FCHO2: variants seen among roughly 807,000 people sequenced by gnomAD.
FCHO2 encodes the protein F-BAR domain only protein 2.
A neutral mutation model predicts 114.1 loss-of-function variants in FCHO2; 43 were observed. That is an observed-to-expected ratio of 0.38 (90% CI 0.30 to 0.49). FCHO2 has a LOEUF of 0.49. Among genes scored for constraint, FCHO2 ranks in the 20% least tolerant of loss-of-function variants. The probability of loss-of-function intolerance (pLI) is 0.97; values close to 1 mark genes in which losing one functional copy is unlikely to be tolerated. For synonymous variants in FCHO2, 293 were observed against 315.2 expected (o/e 0.93, Z 0.75); for missense variants, 807 against 950.4 (o/e 0.85, Z 1.98).
At chr5:72,979,011 C>G (rs1753034539) in intron 2 of FCHO2, among the ~76,000 whole-genome samples, 1 of 152,066 alleles carries the variant, frequency 6.6e-6, no homozygotes, top group Non-Finnish European at 1.5e-5. Flanking sequence ...TTCGGTTTGC[C>G]TGTATTTTAT....
At chr5:72,994,757 A>G (rs187051143) in intron 5 of FCHO2, among the ~76,000 whole-genome samples, 2 of 152,366 alleles carry the variant, frequency 1.3e-5, no homozygotes, top group Admixed American at 1.3e-4. Flanking sequence ...TGTGGTACAT[A>G]TTCATTGTGG....
chr5:73,037,076 A>T, intron 9 of FCHO2, 67 bp from the exon 10 acceptor site: 1 of 1,101,386 alleles, frequency 9.1e-7, no homozygotes, highest in Non-Finnish European at 1.3e-6. Flanking sequence ...TGCAAGATGT[A>T]TCCATAAGTT....
intron 8 of FCHO2, among the ~76,000 whole-genome samples, chr5:73,024,943 C>T (rs1316683888): frequency 6.6e-6 from 1 of 152,124 alleles, no homozygotes; most frequent in East Asian, 1.9e-4. Context: ...TTAAGATATA[C>T]GAAGTCATGT....
At chr5:73,017,160 A>G in intron 7 of FCHO2, 52 bp from the exon 8 acceptor site, 1 of 1,041,588 alleles carries the variant, frequency 9.6e-7, no homozygotes, top group Non-Finnish European at 1.4e-6. Context: ...TTTATCTGAA[A>G]TACACTAAGA....
At chr5:72,959,751 G>C (rs1325403440) in intron 1 of FCHO2, among the ~76,000 whole-genome samples, 5 of 150,882 alleles carry the variant, frequency 3.3e-5, no homozygotes, top group East Asian at 1.9e-4. Flanking sequence ...GTCTTGTCTT[G>C]TCTTCTCTTC....
chr5:73,077,605 G>C, intron 21 of FCHO2, 112 bp downstream of exon 21: 2 of 1,172,422 alleles, frequency 1.7e-6, no homozygotes, highest in Middle Eastern at 2.9e-4. Context: ...TGAGGCAGGT[G>C]GATTGCTTGA....
At chr5:73,023,431 G>A (rs968089493) in intron 8 of FCHO2, among the ~76,000 whole-genome samples, 61 of 152,336 alleles carry the variant, frequency 4.0e-4, no homozygotes, top group Admixed American at 4.0e-3. Context: ...GCTGGGCATA[G>A]TGGCTCACGC....
chr5:72,965,178 C>A (rs144719336), intron 1 of FCHO2, among the ~76,000 whole-genome samples: 1 of 152,208 alleles, frequency 6.6e-6, no homozygotes, highest in East Asian at 1.9e-4. Context: ...GGTTGAACGT[C>A]CCGTATACCT....
At chr5:72,993,069 A>C (rs1419981594) in intron 5 of FCHO2, among the ~76,000 whole-genome samples, 1 of 152,152 alleles carries the variant, frequency 6.6e-6, no homozygotes, top group Non-Finnish European at 1.5e-5. Flanking sequence ...AATTGGAATA[A>C]GAATTTACTC....
At chr5:72,996,823 G>A (rs1312385821) in intron 5 of FCHO2, 3 of 814,810 alleles carry the variant, frequency 3.7e-6, no homozygotes, top group Non-Finnish European at 5.9e-6. Flanking sequence ...TAGGGCTGCC[G>A]TTCCCCCTCC....
chr5:73,004,171 T>C (rs1754592151), intron 5 of FCHO2, among the ~76,000 whole-genome samples: 1 of 151,178 alleles, frequency 6.6e-6, no homozygotes, highest in South Asian at 2.1e-4. Flanking sequence ...ATTAAAAAAA[T>C]CCAAAAGGAA....
intron 11 of FCHO2, among the ~76,000 whole-genome samples, chr5:73,048,683 C>G (rs910556511): frequency 6.6e-6 from 1 of 151,910 alleles, no homozygotes; most frequent in Non-Finnish European, 1.5e-5. Flanking sequence ...TGTGTCTTCA[C>G]GGTAAATTTC....
intron 6 of FCHO2, among the ~76,000 whole-genome samples, chr5:73,007,214 T>C (rs1754763669): frequency 6.6e-6 from 1 of 152,190 alleles, no homozygotes. Flanking sequence ...CTCAGTGGCT[T>C]ACAATATCAA....
intron 17 of FCHO2, among the ~76,000 whole-genome samples, chr5:73,060,413 CTAAT>C (rs1393472072): frequency 6.6e-5 from 10 of 152,056 alleles, no homozygotes; most frequent in Non-Finnish European, 1.0e-4. Flanking sequence ...ATTGATCAAA[CTAAT>C]TAATTCATAA....
At chr5:73,029,254 T>G (rs1756103340) in intron 8 of FCHO2, among the ~76,000 whole-genome samples, 1 of 152,178 alleles carries the variant, frequency 6.6e-6, no homozygotes, top group Admixed American at 6.5e-5. Context: ...GCAACTAACA[T>G]GGAGAATGCT....
rs1327206740 is a variant in FCHO2, at chr5:73,026,276, C to A, written c.797-8381C>A. 2.6e-5 allele frequency among the ~76,000 whole-genome samples: 4 copies of A among 152,034 alleles called. No individual in the cohort carries two copies. The South Asian group carries it at 8.3e-4, about 32-fold the overall frequency. ...CCTGAGGTCAGGGGTTCGAGACCAGCCTGGACAATGTGGTGAAACCCTGTC... is the reference window on the plus strand; with the variant it reads ...CCTGAGGTCAGGGGTTCGAGACCAGACTGGACAATGTGGTGAAACCCTGTC... On this transcript the variant is annotated intron_variant, in intron 8 of 25. Transcript: ENST00000430046.
chr5:73,079,253 C>T (rs1212285183), intron 22 of FCHO2, among the ~76,000 whole-genome samples: 3 of 152,234 alleles, frequency 2.0e-5, no homozygotes, highest in East Asian at 3.9e-4. Context: ...GCACAAACCA[C>T]CGCTCCTGGC....
intron 10 of FCHO2, among the ~76,000 whole-genome samples, chr5:73,038,282 GGTTTTGCTCTTTTTT>G (rs1756632042): frequency 6.6e-6 from 1 of 152,070 alleles, no homozygotes; most frequent in Non-Finnish European, 1.5e-5. Context: ...CCTCAACATA[GGTTTTGCTCTTTTTT>G]GTTTTAAGCA....
intron 11 of FCHO2, among the ~76,000 whole-genome samples, chr5:73,046,215 G>A (rs927986395): frequency 1.3e-5 from 2 of 152,140 alleles, no homozygotes; most frequent in Admixed American, 6.5e-5. Context: ...ACAGGCATGT[G>A]CCACCATACC....
Sources: allele counts gnomAD v4.1 joint callset (sites outside exome capture counted in the v4.1 genomes callset), GRCh38; gene constraint gnomAD v4.1.1; transcripts MANE v1.5; gene names NCBI Gene and HGNC (gene_info 2026-07-23, HGNC 2026-07-21).